Variants in TTC7B observed in about 807,000 individuals in gnomAD.
TTC7B encodes the protein tetratricopeptide repeat domain 7B.
In TTC7B, 28 loss-of-function variants were observed where a neutral mutation model predicts 106.8. The observed-to-expected ratio is 0.26, with a 90% CI of 0.19 to 0.36. TTC7B has a LOEUF of 0.36. TTC7B is among the 10% of genes least tolerant of loss of function. TTC7B has a pLI of 1.00. For synonymous variants in TTC7B, 405 were observed against 430.6 expected, an observed-to-expected ratio of 0.94 and a Z score of 0.74; for missense variants, 862 against 1,076.4, an observed-to-expected ratio of 0.80 and a Z score of 2.79.
chr14:90,812,913 G>A (rs2030977295), intron 1 of TTC7B, among the ~76,000 whole-genome samples: 2 of 151,322 alleles, frequency 1.3e-5, no homozygotes, highest in Non-Finnish European at 2.9e-5. Flanking sequence ...TCCTTAACGG[G>A]GAGGGGCTGC....
In TTC7B at chr14:90,663,375, G is replaced by T. The variant is rs1306439618; in HGVS notation, c.1153-4988C>A. Reference sequence around the variant, plus strand: ...ATCAGGCCCACTCATGCTGCAGAAAGCAAAGGACAACTAAATAAAAGGCCC... The same window carrying T: ...ATCAGGCCCACTCATGCTGCAGAAATCAAAGGACAACTAAATAAAAGGCCC... On this transcript the variant is annotated intron_variant, in intron 9 of 19. Coordinates refer to ENST00000328459, the MANE Select transcript of TTC7B (RefSeq NM_001010854.2). The surrounding 1 kb of genome is among the most constrained non-coding windows in gnomAD (Gnocchi z 4.5). Among the ~76,000 whole-genome samples, 3 of 152,098 alleles carry T rather than the reference G, an allele frequency of 2.0e-5. No individual in the cohort carries two copies. The highest frequency in any genetic ancestry group is 4.4e-5 in the Non-Finnish European group (3 of 68,030).
At chr14:90,729,356 C>G (rs1889236464) in intron 5 of TTC7B, among the ~76,000 whole-genome samples, 1 of 152,186 alleles carries the variant, frequency 6.6e-6, no homozygotes, top group South Asian at 2.1e-4. Context: ...TACTGGACTA[C>G]TCTAGAGGAG....
chr14:90,702,074 G>A (rs551023546), intron 5 of TTC7B, among the ~76,000 whole-genome samples: 2 of 152,242 alleles, frequency 1.3e-5, no homozygotes, highest in East Asian at 3.9e-4. Flanking sequence ...CTATATACCC[G>A]AATGTAAAGA....
intron 8 of TTC7B, chr14:90,677,854 A>T (rs1286682532): frequency 1.1e-5 from 5 of 455,546 alleles, no homozygotes; most frequent in Middle Eastern, 6.5e-4. Flanking sequence ...AATGTCAAAG[A>T]CAAATAAGAA....
chr14:90,736,786 G>A (rs1256391352), intron 4 of TTC7B, among the ~76,000 whole-genome samples: 1 of 151,458 alleles, frequency 6.6e-6, no homozygotes, highest in African/African-American at 2.4e-5. Flanking sequence ...GGGAGGCTGG[G>A]GCAGGAGGGA....
intron 10 of TTC7B, 134 bp downstream of exon 10, chr14:90,658,170 C>T (rs931927390): frequency 3.9e-5 from 29 of 742,150 alleles, no homozygotes; most frequent in Admixed American, 7.2e-5. Context: ...TCACTGAGAA[C>T]GGACCACGAT....
intron 16 of TTC7B, among the ~76,000 whole-genome samples, chr14:90,614,118 C>A (rs1234362257): frequency 6.6e-6 from 1 of 152,166 alleles, no homozygotes; most frequent in African/African-American, 2.4e-5. Context: ...GCTAGGAAAC[C>A]AGAACAGGGG....
intron 19 of TTC7B, among the ~76,000 whole-genome samples, chr14:90,545,742 G>A (rs1889801657): frequency 6.6e-6 from 1 of 152,228 alleles, no homozygotes; most frequent in Admixed American, 6.5e-5. Context: ...GGGGGCTGCA[G>A]GGTATGGGAC....
chr14:90,767,420 T>G (rs560767875), intron 3 of TTC7B, among the ~76,000 whole-genome samples: 1 of 152,266 alleles, frequency 6.6e-6, no homozygotes, highest in South Asian at 2.1e-4. Context: ...TGCAACAGTG[T>G]TGGGAGGTAG....
At chr14:90,775,543 G>A (rs969196944) in intron 3 of TTC7B, among the ~76,000 whole-genome samples, 3 of 152,058 alleles carry the variant, frequency 2.0e-5, no homozygotes, top group Non-Finnish European at 2.9e-5. Context: ...GAAGGTAAAG[G>A]AGCTCTGTAA....
intron 15 of TTC7B, among the ~76,000 whole-genome samples, chr14:90,619,235 T>C (rs1893211786): frequency 6.6e-6 from 1 of 152,240 alleles, no homozygotes; most frequent in Non-Finnish European, 1.5e-5. Context: ...CAATGATCCC[T>C]TACTTATACT....
At position 90,663,294 on chromosome 14, in the gene TTC7B, C is replaced by G. The variant is rs528206008; in HGVS notation, c.1153-4907G>C. On this transcript the variant is annotated intron_variant, in intron 9 of 19. Transcript: ENST00000328459. The surrounding 1 kb of genome is among the most constrained non-coding windows in gnomAD (Gnocchi z 4.5). ...CTGCTTCCAGAGACTGAGCTCTTCA[C>G]CACAACACTACTGCCTCTGAAACTT... Among the ~76,000 whole-genome samples the G allele has an allele frequency of 6.6e-6, 1 of 152,278 alleles. No individual in the cohort carries two copies. The highest frequency in any genetic ancestry group is 2.1e-4 in the South Asian group (1 of 4,816).
At chr14:90,792,500 C>T (rs1891621788) in intron 1 of TTC7B, among the ~76,000 whole-genome samples, 1 of 152,106 alleles carries the variant, frequency 6.6e-6, no homozygotes, top group Admixed American at 6.6e-5. Flanking sequence ...TCACTTGAAA[C>T]TGGGAAGCAG....
chr14:90,631,912 C>T (rs1200779077), intron 15 of TTC7B, among the ~76,000 whole-genome samples: 1 of 152,118 alleles, frequency 6.6e-6, no homozygotes, highest in Admixed American at 6.5e-5. Context: ...ATTTGTATAT[C>T]TTCTTTGGAG....
At chr14:90,555,414 G>T (rs909678055) in intron 19 of TTC7B, among the ~76,000 whole-genome samples, 1 of 152,190 alleles carries the variant, frequency 6.6e-6, no homozygotes, top group Non-Finnish European at 1.5e-5. Context: ...GGGAAGGGGG[G>T]GGTGTTTGAT....
intron 1 of TTC7B, among the ~76,000 whole-genome samples, chr14:90,786,932 A>G (rs1257370416): frequency 1.3e-5 from 2 of 152,176 alleles, no homozygotes; most frequent in Admixed American, 1.3e-4. Context: ...TAGGAAAAAA[A>G]CAAAGGTGGC....
At chr14:90,690,605 A>G (rs1887434041) in intron 6 of TTC7B, among the ~76,000 whole-genome samples, 1 of 152,220 alleles carries the variant, frequency 6.6e-6, no homozygotes, top group Non-Finnish European at 1.5e-5. Context: ...AGTAATTTAA[A>G]AAAAAATCCC....
intron 19 of TTC7B, among the ~76,000 whole-genome samples, chr14:90,550,211 C>A (rs751417403): frequency 6.6e-6 from 1 of 152,142 alleles, no homozygotes; most frequent in Non-Finnish European, 1.5e-5. Context: ...TTTGACGGGA[C>A]AAGAGACCAC....
chr14:90,545,827 C>T (rs1312434397), intron 19 of TTC7B, among the ~76,000 whole-genome samples: 1 of 152,200 alleles, frequency 6.6e-6, no homozygotes, highest in Non-Finnish European at 1.5e-5. Context: ...CAGCACCCTC[C>T]GTGTTGGCCA....
Sources: gnomAD v4.1 joint callset for allele counts (sites outside exome capture counted in the v4.1 genomes callset) on GRCh38, gnomAD v4.1.1 for gene constraint, Gnocchi (gnomAD v3.1) non-coding constraint, MANE v1.5 for transcripts, NCBI Gene and HGNC (gene_info 2026-07-23, HGNC 2026-07-21) for gene names.